Variants in LRIG2 observed in about 807,000 individuals in gnomAD.
LRIG2 encodes the protein leucine rich repeats and immunoglobulin like domains 2.
Under a neutral mutation model 107.8 loss-of-function variants are expected in LRIG2, and 93 were observed. The observed-to-expected ratio is 0.86, with a 90% CI of 0.73 to 1.03. The LOEUF (loss-of-function observed/expected upper bound fraction) is 1.03, where lower values mean the gene tolerates loss of function less well. Ranked by LOEUF, LRIG2 falls within the 50% of genes least tolerant of loss-of-function variation. LRIG2 has a pLI of 0.00. For synonymous variants in LRIG2, 471 were observed against 470.6 expected (o/e 1.00, Z -0.01); for missense variants, 1,226 against 1,296.0 (o/e 0.95, Z 0.83).
intron 17 of LRIG2, among the ~76,000 whole-genome samples, chr1:113,121,990 A>C (rs1655277135): frequency 6.6e-6 from 1 of 151,602 alleles, no homozygotes; most frequent in Admixed American, 6.6e-5. Context: ...CTTATTAATT[A>C]ATTTTGCATT....
At chr1:113,114,956 A>G in intron 15 of LRIG2, 80 bp downstream of exon 15, 1 of 1,229,176 alleles carries the variant, frequency 8.1e-7, no homozygotes, top group Non-Finnish European at 1.1e-6. Context: ...AATATAAAAA[A>G]CTGAGAGCTG....
At chr1:113,107,827 C>A in intron 12 of LRIG2, 70 bp downstream of exon 12, 3 of 1,372,786 alleles carry the variant, frequency 2.2e-6, no homozygotes, top group African/African-American at 1.5e-5. Context: ...AAAAATTAAA[C>A]CAGAATGGTT....
chr1:113,109,739 G>A lies in LRIG2; in HGVS notation c.1478-503G>A, dbSNP rs182625994. 4.3e-3 allele frequency among the ~76,000 whole-genome samples: 653 copies of A among 152,208 alleles called. 2 individuals are homozygous for A. Among genetic ancestry groups the A allele is most frequent in the Non-Finnish European group, 7.1e-3 (483 of 68,020 alleles). On this transcript the variant is annotated intron_variant, in intron 12 of 17. Transcript: ENST00000361127. ...TCGCCGTGTTGGTCAGGCTGGTCTC[G>A]AACTCCTGACCTGAGTTGATCCACC...
At chr1:113,096,959 G>A (rs1303716518) in intron 8 of LRIG2, among the ~76,000 whole-genome samples, 1 of 152,100 alleles carries the variant, frequency 6.6e-6, no homozygotes, top group African/African-American at 2.4e-5. Context: ...CAGATCCCAG[G>A]TCTGTTTGAT....
intron 16 of LRIG2, among the ~76,000 whole-genome samples, chr1:113,117,803 ATACTT>A (rs1331705081): frequency 6.6e-6 from 1 of 152,090 alleles, no homozygotes; most frequent in East Asian, 1.9e-4. Context: ...TTTTAAAAGA[ATACTT>A]AAAAGTCTGT....
At chr1:113,083,690 A>T (rs115223119) in intron 1 of LRIG2, among the ~76,000 whole-genome samples, 2,929 of 151,700 alleles carry the variant, frequency 0.019, 50 homozygotes, top group Middle Eastern at 0.055. Context: ...AACTCAGAAC[A>T]TCCTCTGCCC....
intron 1 of LRIG2, among the ~76,000 whole-genome samples, chr1:113,080,001 C>T (rs982015655): frequency 4.1e-5 from 6 of 147,380 alleles, no homozygotes; most frequent in African/African-American, 1.2e-4. Context: ...GTGCTGGGAG[C>T]CACTGCGCCT....
rs12036334 is a variant in LRIG2, at chr1:113,101,082, A to G, written c.1313+594A>G. 1.3e-3 allele frequency among the ~76,000 whole-genome samples: 199 copies of G among 152,070 alleles called. 3 individuals are homozygous for G. In the East Asian group the frequency reaches 0.03, roughly 23 times the overall value. On this transcript the variant is annotated intron_variant, in intron 11 of 17. Transcript: ENST00000361127. ...ATTATTTATATTTATATATTTTTATATATTTTTGGAGACAGTCTTACTCTA... is the reference window on the plus strand; with the variant it reads ...ATTATTTATATTTATATATTTTTATGTATTTTTGGAGACAGTCTTACTCTA...
intron 13 of LRIG2, among the ~76,000 whole-genome samples, chr1:113,111,018 A>G (rs1654754020): frequency 6.7e-6 from 1 of 150,280 alleles, no homozygotes; most frequent in South Asian, 2.1e-4. Flanking sequence ...GTGTATTTTT[A>G]TTTATTTATT....
intron 11 of LRIG2, among the ~76,000 whole-genome samples, chr1:113,101,513 A>G (rs60767771): frequency 1.3e-3 from 195 of 152,384 alleles, no homozygotes; most frequent in African/African-American, 4.4e-3. Flanking sequence ...AAGGATAGAA[A>G]TGCAGAATAA....
chr1:113,116,642 A>AC (rs778047703), intron 16 of LRIG2, among the ~76,000 whole-genome samples: 22 of 152,234 alleles, frequency 1.4e-4, no homozygotes, highest in Non-Finnish European at 3.1e-4. Context: ...AACACATTAA[A>AC]CAAGAGATCA....
intron 2 of LRIG2, among the ~76,000 whole-genome samples, chr1:113,092,029 G>T (rs770661961): frequency 1.1e-4 from 17 of 152,102 alleles, no homozygotes; most frequent in Admixed American, 7.2e-4. Flanking sequence ...TTGCTAACAG[G>T]GATAACTTCT....
chr1:113,110,546 C>A lies in LRIG2; in HGVS notation c.1782C>A (p.Ala594=). The change falls in exon 13 of 18, where the codon GCC becomes GCA. Residue 594 remains alanine, a synonymous_variant. Transcript: ENST00000361127. The part of the protein sequence containing the change: ...NHFGSNYSQK[A]KLTVNEMPSF... Reference sequence around the variant, plus strand: ...TTGGTTCTAATTATTCTCAGAAAGCCAAACTGACTGTAAATGGTAAGGAAT... The same window carrying A: ...TTGGTTCTAATTATTCTCAGAAAGCAAAACTGACTGTAAATGGTAAGGAAT... 3 of 1,604,766 alleles carry A rather than the reference C, an allele frequency of 1.9e-6. No homozygotes were observed. Among genetic ancestry groups the A allele is most frequent in the South Asian group, 1.1e-5 (1 of 90,516 alleles).
chr1:113,123,246 T>C (rs1468601161), intron 17 of LRIG2, among the ~76,000 whole-genome samples: 1 of 152,260 alleles, frequency 6.6e-6, no homozygotes, highest in East Asian at 1.9e-4. Context: ...CATTTTGTCT[T>C]TTAGTTCTTT....
intron 1 of LRIG2, among the ~76,000 whole-genome samples, chr1:113,079,324 GGAGACAGAGC>G (rs1406103822): frequency 6.9e-6 from 1 of 145,342 alleles, no homozygotes; most frequent in Non-Finnish European, 1.5e-5. Context: ...CTCCAGCCTG[GGAGACAGAGC>G]AAGATCCTAT....
intron 1 of LRIG2, among the ~76,000 whole-genome samples, chr1:113,080,778 A>G (rs866275793): frequency 7.3e-5 from 11 of 151,320 alleles, no homozygotes; most frequent in African/African-American, 2.7e-4. Context: ...ATCTTAGCTA[A>G]TTATTTCAAA....
In LRIG2 at chr1:113,112,610, C is replaced by A; in HGVS notation, c.1930C>A (p.Pro644Thr). ...GCAGAAAGATGGTGGTACTGACTTT[C>A]CTGCGGCTCGAGAAAGACGCATGCA... ...SWQKDGGTDFPAARERRMHVM... is the reference protein window; with the variant it reads ...SWQKDGGTDFTAARERRMHVM... The change falls in exon 14 of 18, where the codon CCT (proline) becomes ACT (threonine). Residue 644 changes from proline to threonine, a missense_variant. Pro to Thr is a conservative substitution (Grantham distance 38). Around this residue, in one of 3 missense-constraint regions of LRIG2, gnomAD observed 642 missense variants for 712.2 expected, o/e 0.90. Transcript: ENST00000361127. 1 of 1,614,208 alleles carries A rather than the reference C, an allele frequency of 6.2e-7. No homozygotes were observed. The highest frequency in any genetic ancestry group is 8.5e-7 in the Non-Finnish European group (1 of 1,180,040).
chr1:113,095,846 A>G (rs2101037916), intron 6 of LRIG2, 28 bp from the exon 7 acceptor site: 3 of 1,613,604 alleles, frequency 1.9e-6, no homozygotes, highest in Non-Finnish European at 2.5e-6. Context: ...TTTGGAACGT[A>G]TTTTCTTCTC....
In LRIG2 at chr1:113,126,247, A is replaced by G. The variant is rs1236779808; in HGVS notation, c.*2146A>G. ...TGTCTCATTTACCAGGGGTCATTCA[A>G]AAGTCTGAGATGTATATTATCATGA... On this transcript the variant is annotated 3_prime_UTR_variant, in exon 18 of 18. Transcript: ENST00000361127. 6.6e-6 allele frequency: 1 copy of G among 152,216 alleles called. No individual in the cohort carries two copies. The highest frequency in any genetic ancestry group is 1.5e-5 in the Non-Finnish European group (1 of 68,058). 9.4% of individuals were successfully genotyped at this position (152,216 alleles called of 1,614,324 possible). A position where few individuals can be genotyped will look rare whatever the true frequency, so the allele number is the denominator to read the frequency against.
Sources: allele counts gnomAD v4.1 joint callset (sites outside exome capture counted in the v4.1 genomes callset), GRCh38; gene constraint gnomAD v4.1.1; regional missense constraint gnomAD v4.1.1; transcripts MANE v1.5; gene names NCBI Gene and HGNC (gene_info 2026-07-23, HGNC 2026-07-21).